The following SLAIN2 variants were observed in gnomAD, a reference collection of about 807,000 sequenced individuals.
SLAIN2 encodes SLAIN family member 2.
A neutral mutation model predicts 56.6 loss-of-function variants in SLAIN2; 31 were observed. The observed-to-expected ratio is 0.55, with a 90% CI of 0.41 to 0.74. SLAIN2 has a LOEUF of 0.74. Ranked by LOEUF, SLAIN2 falls within the 30% of genes least tolerant of loss-of-function variation. The pLI, the probability that SLAIN2 is intolerant of heterozygous loss-of-function variation, is 0.00. For missense variants in SLAIN2, 777 were observed against 754.2 expected, an observed-to-expected ratio of 1.03 and a Z score of -0.35; for synonymous variants, 317 against 284.9, an observed-to-expected ratio of 1.11 and a Z score of -1.13.
chr4:48,401,386 TCA>T (rs1458231756), intron 6 of SLAIN2, among the ~76,000 whole-genome samples: 2 of 152,176 alleles, frequency 1.3e-5, no homozygotes, highest in Admixed American at 1.3e-4. Flanking sequence ...TTAAAATCTC[TCA>T]CTATTATTGT....
At chr4:48,401,310 G>C (rs1186170685) in intron 6 of SLAIN2, among the ~76,000 whole-genome samples, 1 of 152,128 alleles carries the variant, frequency 6.6e-6, no homozygotes, top group Non-Finnish European at 1.5e-5. Flanking sequence ...TCAGAGCTGG[G>C]TTCAGGTCCT....
At chr4:48,412,039 G>A (rs575186701) in intron 6 of SLAIN2, among the ~76,000 whole-genome samples, 13 of 152,034 alleles carry the variant, frequency 8.6e-5, no homozygotes, top group African/African-American at 3.1e-4. Flanking sequence ...CACCAATGCC[G>A]GTACCATCTT....
At chr4:48,388,041 T>C (rs897654398) in intron 6 of SLAIN2, among the ~76,000 whole-genome samples, 4 of 152,182 alleles carry the variant, frequency 2.6e-5, no homozygotes, top group Non-Finnish European at 2.9e-5. Flanking sequence ...GAACCTAACT[T>C]TGCAAGGTTG....
chr4:48,369,989 C>T lies in SLAIN2; in HGVS notation c.530C>T (p.Thr177Ile). The stretch of plus-strand genomic sequence containing the variant: ...TCTCTTATCCACAAACTTGATCAAA[C>T]TATGTCAGGTATGTCTATAATTTTG... The part of the protein sequence containing the change: ...KKSLIHKLDQ[T>I]MSALKRQNLY... The change falls in exon 2 of 8, where the codon ACT (threonine) becomes ATT (isoleucine). Residue 177 changes from threonine to isoleucine, a missense_variant. Coordinates refer to ENST00000264313, the MANE Select transcript of SLAIN2 (RefSeq NM_020846.2). The T allele has an allele frequency of 3.7e-6, 6 of 1,613,194 alleles. No homozygotes were observed. Among genetic ancestry groups the T allele is most frequent in the Non-Finnish European group, 3.4e-6 (4 of 1,179,478 alleles).
Position 48,422,136 on chromosome 4 carries a change from A to C in SLAIN2, c.*59A>C. ...TCATGGATACCCTTCACCAGGCTAA[A>C]AAACAACTTTTATATGCAGACTGTT... On this transcript the variant is annotated 3_prime_UTR_variant, in exon 8 of 8. Transcript: ENST00000264313. 1 of 1,399,702 alleles carries C rather than the reference A, an allele frequency of 7.1e-7. No individual in the cohort carries two copies. Among genetic ancestry groups the C allele is most frequent in the Non-Finnish European group, 1.0e-6 (1 of 1,001,572 alleles). 86.7% of individuals were successfully genotyped at this position (1,399,702 alleles called of 1,614,324 possible).
At chr4:48,361,929 G>T (rs2109744840) in intron 1 of SLAIN2, among the ~76,000 whole-genome samples, 1 of 152,188 alleles carries the variant, frequency 6.6e-6, no homozygotes, top group South Asian at 2.1e-4. Context: ...TGATGCTGTT[G>T]TAAATGAAAT....
intron 1 of SLAIN2, among the ~76,000 whole-genome samples, chr4:48,345,720 A>G (rs1396628454): frequency 6.6e-6 from 1 of 151,316 alleles, no homozygotes. Context: ...AGGCTTTTAA[A>G]TTTCCTTTTG....
chr4:48,388,250 G>C (rs1716149521), intron 6 of SLAIN2, among the ~76,000 whole-genome samples: 1 of 152,066 alleles, frequency 6.6e-6, no homozygotes, highest in Non-Finnish European at 1.5e-5. Flanking sequence ...AACTTAAAAA[G>C]TTTAAGAAAA....
At chr4:48,343,773 G>C (rs543028259) in intron 1 of SLAIN2, among the ~76,000 whole-genome samples, 16 of 152,314 alleles carry the variant, frequency 1.1e-4, no homozygotes, top group Non-Finnish European at 1.9e-4. Context: ...TTACTCTTGA[G>C]TATATGATGA....
chr4:48,422,169 G>T lies in SLAIN2; in HGVS notation c.*92G>T, dbSNP rs528532972. 3 of 921,346 alleles carry T rather than the reference G, an allele frequency of 3.3e-6. No individual in the cohort carries two copies. The highest frequency in any genetic ancestry group is 2.6e-5 in the East Asian group (1 of 38,030). The allele number at this position is 921,346 out of a possible 1,614,324, so 57.1% of individuals were successfully genotyped here. ...TTTTATATGCAGACTGTTCAGATAA[G>T]ACTCTTGGGATTTATAAAATCCCAG... On this transcript the variant is annotated 3_prime_UTR_variant, in exon 8 of 8. Transcript: ENST00000264313.
chr4:48,420,408 A>G lies in SLAIN2; in HGVS notation c.1644A>G (p.Pro548=). The G allele has an allele frequency of 1.2e-6, 2 of 1,613,990 alleles. No homozygotes were observed. Among genetic ancestry groups the G allele is most frequent in the Non-Finnish European group, 1.7e-6 (2 of 1,179,844 alleles). Residue 548 remains proline (P), a synonymous_variant, in exon 7 of 8, where the codon CCA becomes CCG. Transcript: ENST00000264313. ...GTGCCCCTTCTGCTGGGGGCATACC[A>G]GTGCCTCGCAGCAAACTTGCACAGC... ...RPSAPSAGGI[P]VPRSKLAQPV... is the part of the protein sequence containing the mutation.
At chr4:48,357,399 A>T (rs985777552) in intron 1 of SLAIN2, among the ~76,000 whole-genome samples, 1 of 151,884 alleles carries the variant, frequency 6.6e-6, no homozygotes, top group African/African-American at 2.4e-5. Flanking sequence ...TCCTGTTTCA[A>T]GAGACAGGGT....
At chr4:48,391,516 T>G (rs1238082914) in intron 6 of SLAIN2, among the ~76,000 whole-genome samples, 1 of 152,208 alleles carries the variant, frequency 6.6e-6, no homozygotes, top group African/African-American at 2.4e-5. Flanking sequence ...GGCATGATGA[T>G]AATAGAAAGC....
At chr4:48,375,520 C>A (rs1560456384) in intron 2 of SLAIN2, among the ~76,000 whole-genome samples, 1 of 151,814 alleles carries the variant, frequency 6.6e-6, no homozygotes, top group East Asian at 1.9e-4. Context: ...TTCTAGTCAC[C>A]GTGTACTACC....
At chr4:48,381,964 A>G (rs1715982649) in intron 4 of SLAIN2, among the ~76,000 whole-genome samples, 1 of 152,156 alleles carries the variant, frequency 6.6e-6, no homozygotes, top group South Asian at 2.1e-4. Context: ...GAATTCTTTG[A>G]AAATTCTTAC....
intron 4 of SLAIN2, 36 bp from the exon 5 acceptor site, chr4:48,382,532 A>C: frequency 7.0e-7 from 1 of 1,433,324 alleles, no homozygotes; most frequent in South Asian, 1.7e-5. Context: ...AATGTTTAAA[A>C]ATATTGTTTA....
intron 6 of SLAIN2, among the ~76,000 whole-genome samples, chr4:48,387,063 G>A (rs1163524542): frequency 2.6e-5 from 4 of 152,088 alleles, no homozygotes; most frequent in African/African-American, 9.7e-5. Flanking sequence ...CATGATACAT[G>A]TCCAAACAGC....
intron 1 of SLAIN2, among the ~76,000 whole-genome samples, chr4:48,355,236 CA>C (rs1715127536): frequency 2.0e-5 from 3 of 152,218 alleles, no homozygotes; most frequent in African/African-American, 7.2e-5. Context: ...TATGATTCTT[CA>C]TACTTACTTC....
rs369681678 is a variant in SLAIN2 at position 48,346,731 on chromosome 4, G to A, written c.389+4603G>A. ...ATCTTGGGAAGTTTTATGTTTTCTAGACTCTTCTGTACCAAGGAGATGTTA... is the reference window on the plus strand; with the variant it reads ...ATCTTGGGAAGTTTTATGTTTTCTAAACTCTTCTGTACCAAGGAGATGTTA... On this transcript the variant is annotated intron_variant, in intron 1 of 7. Coordinates refer to ENST00000264313, the MANE Select transcript of SLAIN2 (RefSeq NM_020846.2). Among the ~76,000 whole-genome samples the A allele has an allele frequency of 2.0e-4, 30 of 152,086 alleles. 1 individual carries two copies. In the South Asian group the frequency reaches 6.2e-3, roughly 32 times the overall value.
Sources: allele counts gnomAD v4.1 joint callset (sites outside exome capture counted in the v4.1 genomes callset), GRCh38; gene constraint gnomAD v4.1.1; transcripts MANE v1.5; gene names NCBI Gene and HGNC (gene_info 2026-07-23, HGNC 2026-07-21).